Variants in LAMTOR5 observed in about 807,000 individuals in gnomAD.
The protein encoded by LAMTOR5 is late endosomal/lysosomal adaptor, MAPK and MTOR activator 5.
LAMTOR5 carries 8 observed loss-of-function variants against 12.1 expected under a neutral mutation model. The observed-to-expected ratio is 0.66, with a 90% CI of 0.39 to 1.19. LAMTOR5 has a LOEUF of 1.19. LAMTOR5 is among the 50% of genes most tolerant of loss of function. LAMTOR5 has a pLI of 0.01. For synonymous variants in LAMTOR5, 37 were observed against 41.9 expected, an observed-to-expected ratio of 0.88 and a Z score of 0.45; for missense variants, 110 against 112.8, an observed-to-expected ratio of 0.97 and a Z score of 0.11.
chr1:110,401,488 TC>T lies in LAMTOR5; in HGVS notation c.*34del, dbSNP rs1663227272. The stretch of plus-strand genomic sequence containing the variant: ...GTAATTAACATAGGTAGGATCCAGT[TC>T]CTATGACAGGCTGCTGAAGAACAGA... On this transcript the variant is annotated 3_prime_UTR_variant, in exon 4 of 4. Coordinates refer to ENST00000602318, the MANE Select transcript of LAMTOR5 (RefSeq NM_001382293.1). 1.3e-6 allele frequency: 2 copies of T among 1,591,972 alleles called. No homozygotes were observed. The highest frequency in any genetic ancestry group is 2.2e-5 in the South Asian group (2 of 89,528).
chr1:110,407,422 C>G (rs942113401), intron 1 of LAMTOR5, 164 bp downstream of exon 1: 2 of 872,174 alleles, frequency 2.3e-6, no homozygotes, highest in Admixed American at 5.8e-5. Context: ...TCACCCGCCC[C>G]GCCCTGCGGC....
At position 110,407,493 on chromosome 1, in the gene LAMTOR5, G is replaced by T. The variant is rs1663358641; in HGVS notation, c.35+93C>A. The stretch of plus-strand genomic sequence containing the variant: ...GGGGGTCGCGCGACGTCCCCGAGAC[G>T]CCCTGGCCGGTACTCGCAGCTCGCG... On this transcript the variant is annotated intron_variant, in intron 1 of 3. Transcript: ENST00000602318. 4 of 1,467,340 alleles carry T rather than the reference G, an allele frequency of 2.7e-6. 1 individual carries two copies. The highest frequency in any genetic ancestry group is 3.7e-6 in the Non-Finnish European group (4 of 1,092,666). 90.9% of individuals were successfully genotyped at this position (1,467,340 alleles called of 1,614,324 possible).
upstream of LAMTOR5, chr1:110,407,786 T>A (rs761882793): frequency 6.2e-7 from 1 of 1,614,104 alleles, no homozygotes; most frequent in East Asian, 2.2e-5. Flanking sequence ...AAAACATCAC[T>A]GCGCTTCCGT....
At chr1:110,402,541 G>A (rs1262905575) in intron 3 of LAMTOR5, among the ~76,000 whole-genome samples, 4 of 152,004 alleles carry the variant, frequency 2.6e-5, no homozygotes, top group South Asian at 4.1e-4. Context: ...CCACCATGCC[G>A]GGCCTACTTT....
intron 3 of LAMTOR5, among the ~76,000 whole-genome samples, chr1:110,402,216 A>G (rs1297299447): frequency 6.6e-6 from 1 of 152,210 alleles, no homozygotes; most frequent in Non-Finnish European, 1.5e-5. Flanking sequence ...CTTGATAATA[A>G]TAAATGACTA....
chr1:110,407,528 C>A, intron 1 of LAMTOR5, 58 bp downstream of exon 1: 2 of 1,578,246 alleles, frequency 1.3e-6, no homozygotes, highest in African/African-American at 1.3e-5. Flanking sequence ...GCCTTTCGTT[C>A]CGCTCAAGTT....
intron 2 of LAMTOR5, 152 bp from the exon 3 acceptor site, chr1:110,404,188 C>CTTTTGTACCCG: frequency 8.5e-7 from 1 of 1,182,040 alleles, no homozygotes; most frequent in Non-Finnish European, 1.1e-6. Flanking sequence ...ATCTCGGGTA[C>CTTTTGTACCCG]AAAAGTACCT....
chr1:110,403,618 GAAA>G (rs796108768), intron 3 of LAMTOR5: 12 of 188,136 alleles, frequency 6.4e-5, no homozygotes, highest in African/African-American at 2.7e-4. Flanking sequence ...GCCTCAAAAA[GAAA>G]AAAAAAAAAA....
chr1:110,404,164 A>G (rs1056341396), intron 2 of LAMTOR5, 128 bp from the exon 3 acceptor site: 2 of 1,314,580 alleles, frequency 1.5e-6, no homozygotes, highest in Non-Finnish European at 2.0e-6. Flanking sequence ...GTCTGTATAT[A>G]TTATAGTAAC....
At chr1:110,402,476 C>T (rs148225032) in intron 3 of LAMTOR5, among the ~76,000 whole-genome samples, 13 of 152,156 alleles carry the variant, frequency 8.5e-5, no homozygotes, top group African/African-American at 1.7e-4. Context: ...ACACTCCTTA[C>T]CTCAAGTGAT....
Position 110,401,515 on chromosome 1 carries a change from T to TA in LAMTOR5, c.*7dup, listed in dbSNP as rs778932192. ...CTATGACAGGCTGCTGAAGAACAGA[T>TA]ATGAGCATCAAGAGGCCATTTTGTG... On this transcript the variant is annotated 3_prime_UTR_variant, in exon 4 of 4. Coordinates refer to ENST00000602318, the MANE Select transcript of LAMTOR5 (RefSeq NM_001382293.1). 1 of 1,603,584 alleles carries TA rather than the reference T, an allele frequency of 6.2e-7. No individual in the cohort carries two copies. The highest frequency in any genetic ancestry group is 2.2e-5 in the East Asian group (1 of 44,490).
chr1:110,407,870 G>A, upstream of LAMTOR5: 1 of 1,611,792 alleles, frequency 6.2e-7, no homozygotes, highest in Non-Finnish European at 8.5e-7. Context: ...GCTCCATGGC[G>A]GAACCGGCCG....
At position 110,407,624 on chromosome 1, in the gene LAMTOR5, A is replaced by T. The variant is rs1364039217; in HGVS notation, c.-4T>A. 1.9e-6 allele frequency: 3 copies of T among 1,613,440 alleles called. No individual in the cohort carries two copies. The highest frequency in any genetic ancestry group is 3.3e-5 in the Admixed American group (2 of 59,970). ...GCTGCTCCAAGGTCGCCTCCATCCC[A>T]CCCACCGACCACTCCGGCTCAGAAC... On this transcript the variant is annotated 5_prime_UTR_variant, in exon 1 of 4. Coordinates refer to ENST00000602318, the MANE Select transcript of LAMTOR5 (RefSeq NM_001382293.1).
intron 2 of LAMTOR5, among the ~76,000 whole-genome samples, chr1:110,404,685 T>C (rs992086376): frequency 1.3e-5 from 2 of 152,228 alleles, no homozygotes; most frequent in African/African-American, 2.4e-5. Context: ...TCATGTGTAA[T>C]TGCTACCATT....
rs773644733 is a variant in LAMTOR5 at position 110,407,653 on chromosome 1, G to GCGGCA, written c.-38_-34dup. The GCGGCA allele has an allele frequency of 6.2e-7, 1 of 1,614,202 alleles. No homozygotes were observed. The highest frequency in any genetic ancestry group is 1.7e-5 in the Admixed American group (1 of 60,028). The stretch of plus-strand genomic sequence containing the variant: ...ACCGACCACTCCGGCTCAGAACCCA[G>GCGGCA]CGGCACGGCACGTCCTTCTCCACCA... On this transcript the variant is annotated 5_prime_UTR_variant, in exon 1 of 4. Coordinates refer to ENST00000602318, the MANE Select transcript of LAMTOR5 (RefSeq NM_001382293.1).
intron 2 of LAMTOR5, among the ~76,000 whole-genome samples, chr1:110,404,748 C>A (rs1272667403): frequency 1.3e-5 from 2 of 152,058 alleles, no homozygotes; most frequent in South Asian, 4.1e-4. Flanking sequence ...TATTATATAA[C>A]CTTAAAATAT....
chr1:110,401,472 ATAGG>A lies in LAMTOR5; in HGVS notation c.*47_*50del. 3 of 1,568,458 alleles carry A rather than the reference ATAGG, an allele frequency of 1.9e-6. No homozygotes were observed. The highest frequency in any genetic ancestry group is 2.6e-6 in the Non-Finnish European group (3 of 1,143,606). On this transcript the variant is annotated 3_prime_UTR_variant, in exon 4 of 4. Coordinates refer to ENST00000602318, the MANE Select transcript of LAMTOR5 (RefSeq NM_001382293.1). ...TTAGTAGTTCTATAAGGTAATTAAC[ATAGG>A]TAGGATCCAGTTCCTATGACAGGCT...
chr1:110,404,062 A>C (rs1268355887), intron 2 of LAMTOR5, 26 bp from the exon 3 acceptor site: 3 of 1,610,366 alleles, frequency 1.9e-6, no homozygotes, highest in Non-Finnish European at 2.5e-6. Flanking sequence ...GATATATGTC[A>C]CCTGATTGCT....
chr1:110,403,883 G>C, intron 3 of LAMTOR5, 36 bp downstream of exon 3: 1 of 1,607,116 alleles, frequency 6.2e-7, no homozygotes, highest in Non-Finnish European at 8.5e-7. Flanking sequence ...GAATTTTTCT[G>C]AACAAAAAGG....
Sources: gnomAD v4.1 joint callset for allele counts (sites outside exome capture counted in the v4.1 genomes callset) on GRCh38, gnomAD v4.1.1 for gene constraint, MANE v1.5 for transcripts, NCBI Gene and HGNC (gene_info 2026-07-23, HGNC 2026-07-21) for gene names.